Variants in DAPL1 observed in about 807,000 individuals in gnomAD.
The protein encoded by DAPL1 is death-associated protein-like 1.
Under a neutral mutation model 12.9 loss-of-function variants are expected in DAPL1, and 17 were observed. The observed-to-expected ratio is 1.32, with a 90% confidence interval of 0.90 to 1.98. The LOEUF is 1.98. Ranked by LOEUF, DAPL1 falls within the 30% of genes most tolerant of loss-of-function variation. The pLI is 0.00. For missense variants in DAPL1, 157 were observed against 125.7 expected (o/e 1.25, Z -1.19); for synonymous variants, 51 against 42.0 (o/e 1.21, Z -0.82).
At chr2:158,809,885 T>G (rs541641412) in intron 3 of DAPL1, among the ~76,000 whole-genome samples, 64 of 152,306 alleles carry the variant, frequency 4.2e-4, no homozygotes, top group African/African-American at 1.5e-3. Context: ...TCATTCAACC[T>G]GAAACCTAGT....
Position 158,804,362 on chromosome 2 carries a change from A to G in DAPL1, c.139A>G (p.Lys47Glu). The change falls in exon 2 of 4, where the codon AAA (lysine) becomes GAA (glutamate). Residue 47 changes from lysine to glutamate, a missense_variant. Transcript: ENST00000309950. ...ERHTKKTGFE[K>E]TSAIANVAKI... ...ACATACCAAAAAAACAGGATTCGAGAAAACAAGGTAGGGACTCTTAATTTT... is the reference window on the plus strand; with the variant it reads ...ACATACCAAAAAAACAGGATTCGAGGAAACAAGGTAGGGACTCTTAATTTT... 1 of 1,607,814 alleles carries G rather than the reference A, an allele frequency of 6.2e-7. No homozygotes were observed. The highest frequency in any genetic ancestry group is 8.5e-7 in the Non-Finnish European group (1 of 1,176,300).
chr2:158,804,246 G>C (rs1237184086), intron 1 of DAPL1, 36 bp from the exon 2 acceptor site: 11 of 1,464,236 alleles, frequency 7.5e-6, no homozygotes, highest in Non-Finnish European at 1.0e-5. Context: ...TTCTCTCACT[G>C]TTCTAACTTC....
At chr2:158,795,600 T>G (rs1296896637) in intron 1 of DAPL1, among the ~76,000 whole-genome samples, 170 bp downstream of exon 1, 1 of 152,224 alleles carries the variant, frequency 6.6e-6, no homozygotes, top group Non-Finnish European at 1.5e-5. Context: ...AGCTTGTATG[T>G]AAATCCACCC....
intron 3 of DAPL1, among the ~76,000 whole-genome samples, chr2:158,811,703 A>G (rs1285242547): frequency 6.6e-6 from 1 of 152,166 alleles, no homozygotes; most frequent in African/African-American, 2.4e-5. Flanking sequence ...ACTGGCTTTG[A>G]ATTCTTTCTC....
At chr2:158,796,148 G>A (rs902818448) in intron 1 of DAPL1, among the ~76,000 whole-genome samples, 3 of 152,140 alleles carry the variant, frequency 2.0e-5, no homozygotes, top group South Asian at 2.1e-4. Context: ...ATTGGCTGAG[G>A]TGTACAGGCC....
chr2:158,804,230 C>A lies in DAPL1; in HGVS notation c.59-52C>A, dbSNP rs573532296. On this transcript the variant is annotated intron_variant, in intron 1 of 3. Coordinates refer to ENST00000309950, the MANE Select transcript of DAPL1 (RefSeq NM_001017920.3). ...TAAAGTCATACCTTTAATAACAAAGCAAGCCTTCTCTCACTGTTCTAACTT... is the reference window on the plus strand; with the variant it reads ...TAAAGTCATACCTTTAATAACAAAGAAAGCCTTCTCTCACTGTTCTAACTT... 1.3e-4 allele frequency: 164 copies of A among 1,251,642 alleles called. No individual in the cohort carries two copies. The South Asian group carries it at 2.1e-3, about 16-fold the overall frequency. The allele number at this position is 1,251,642 out of a possible 1,614,324, so 77.5% of individuals were successfully genotyped here.
intron 3 of DAPL1, among the ~76,000 whole-genome samples, chr2:158,813,790 C>T (rs1461795995): frequency 6.6e-6 from 1 of 152,164 alleles, no homozygotes; most frequent in Non-Finnish European, 1.5e-5. Context: ...CGCCTGACCT[C>T]ATGATCCGCC....
At chr2:158,800,075 A>AT (rs1326481533) in intron 1 of DAPL1, among the ~76,000 whole-genome samples, 1 of 129,732 alleles carries the variant, frequency 7.7e-6, no homozygotes, top group African/African-American at 3.1e-5. Context: ...AAAAAAAAAA[A>AT]AAAAAATTTG....
intron 1 of DAPL1, among the ~76,000 whole-genome samples, chr2:158,798,511 A>T (rs1272933113): frequency 6.6e-6 from 1 of 152,226 alleles, no homozygotes; most frequent in African/African-American, 2.4e-5. Context: ...CATTCGCTCA[A>T]TGCTGACTGC....
chr2:158,814,294 A>G (rs1421324128), intron 3 of DAPL1, among the ~76,000 whole-genome samples: 6 of 152,232 alleles, frequency 3.9e-5, no homozygotes, highest in Admixed American at 3.9e-4. Context: ...CCTGACAAAA[A>G]AAAAAGTCAT....
Position 158,806,696 on chromosome 2 carries a change from C to T in DAPL1, c.147-359C>T, listed in dbSNP as rs182663961. Among the ~76,000 whole-genome samples, 1,048 of 151,940 alleles carry T rather than the reference C, an allele frequency of 6.9e-3. 6 individuals are homozygous for T. The highest frequency in any genetic ancestry group is 0.014 in the Middle Eastern group (4 of 294). On this transcript the variant is annotated intron_variant, in intron 2 of 3. Coordinates refer to ENST00000309950, the MANE Select transcript of DAPL1 (RefSeq NM_001017920.3). The stretch of plus-strand genomic sequence containing the variant: ...CTAAAAATACAAAAAATTAACCAGG[C>T]ATGGTGGTGCATGCCTGTAATCCCA...
intron 1 of DAPL1, among the ~76,000 whole-genome samples, chr2:158,801,121 G>A (rs1393380998): frequency 6.6e-6 from 1 of 152,204 alleles, no homozygotes; most frequent in Non-Finnish European, 1.5e-5. Flanking sequence ...GGGATTACAG[G>A]TGTGAGCCAT....
chr2:158,813,264 AC>A (rs1262447295), intron 3 of DAPL1, among the ~76,000 whole-genome samples: 1 of 152,154 alleles, frequency 6.6e-6, no homozygotes, highest in Non-Finnish European at 1.5e-5. Flanking sequence ...TTTAATTGGT[AC>A]CGAGTCTCAG....
At chr2:158,806,617 C>G (rs776541838) in intron 2 of DAPL1, among the ~76,000 whole-genome samples, 17 of 151,820 alleles carry the variant, frequency 1.1e-4, no homozygotes, top group Non-Finnish European at 2.2e-4. Context: ...AGTGGATCAC[C>G]TGAGGTCAGG....
At position 158,795,376 on chromosome 2, in the gene DAPL1, G is replaced by GA; in HGVS notation, c.4_5insA (p.Ala2AspfsTer3). The GA allele has an allele frequency of 6.4e-7, 1 of 1,555,140 alleles. No individual in the cohort carries two copies. Among genetic ancestry groups the GA allele is most frequent in the East Asian group, 2.4e-5 (1 of 41,240 alleles). On this transcript the variant is annotated frameshift_variant, in exon 1 of 4. Coordinates refer to ENST00000309950, the MANE Select transcript of DAPL1 (RefSeq NM_001017920.3). LOFTEE classifies it high-confidence loss of function. ...GGCACTGGCACTGGCACACGCTATG[G>GA]CAAATGAAGTGCAAGACCTGCTCTC...
rs2059259254 is a variant in DAPL1 at position 158,815,911 on chromosome 2, C to T, written c.*90C>T. ...GCCAAAGCTTTCCATAGGCGTGCTG[C>T]ACTTGCTTGGTAAATTAAGCAGCTT... On this transcript the variant is annotated 3_prime_UTR_variant, in exon 4 of 4. Transcript: ENST00000309950. 2 of 881,776 alleles carry T rather than the reference C, an allele frequency of 2.3e-6. No homozygotes were observed. Among genetic ancestry groups the T allele is most frequent in the Non-Finnish European group, 3.8e-6 (2 of 528,170 alleles). The allele number at this position is 881,776 out of a possible 1,614,324, so 54.6% of individuals were successfully genotyped here. A position where few individuals can be genotyped will look rare whatever the true frequency, so the allele number is the denominator to read the frequency against.
chr2:158,813,193 T>C (rs2059240951), intron 3 of DAPL1, among the ~76,000 whole-genome samples: 1 of 152,062 alleles, frequency 6.6e-6, no homozygotes, highest in Non-Finnish European at 1.5e-5. Flanking sequence ...AGATTCATAG[T>C]TATAGAAAGT....
intron 3 of DAPL1, 78 bp from the exon 4 acceptor site, chr2:158,815,627 T>G: frequency 1.2e-6 from 1 of 864,458 alleles, no homozygotes; most frequent in Non-Finnish European, 2.0e-6. Context: ...TGATCAACGA[T>G]ATCACTTTCT....
chr2:158,812,246 A>C (rs4665011), intron 3 of DAPL1, among the ~76,000 whole-genome samples: 96,086 of 152,030 alleles, frequency 0.63, 30,681 homozygotes, highest in East Asian at 0.77. Context: ...AATCCTGTTG[A>C]TTTTCTTTTC....
Sources: gnomAD v4.1 joint callset for allele counts (sites outside exome capture counted in the v4.1 genomes callset) on GRCh38, gnomAD v4.1.1 for gene constraint, MANE v1.5 for transcripts, NCBI Gene and HGNC (gene_info 2026-07-23, HGNC 2026-07-21) for gene names.